TMCC1: variants seen among roughly 807,000 people sequenced by gnomAD.
TMCC1 encodes transmembrane and coiled-coil domain family 1, also known as transmembrane and coiled-coil domains protein 1.
TMCC1 carries 15 observed loss-of-function variants against 52.4 expected under a neutral mutation model. The observed-to-expected ratio is 0.29, with a 90% CI of 0.19 to 0.44. TMCC1 has a LOEUF of 0.44. TMCC1 is among the 20% of genes least tolerant of loss of function. The pLI is 1.00. For synonymous variants in TMCC1, 279 were observed against 301.9 expected, an observed-to-expected ratio of 0.92 and a Z score of 0.79; for missense variants, 503 against 806.0, an observed-to-expected ratio of 0.62 and a Z score of 4.55.
At chr3:129,824,002 C>G (rs2058546235) in intron 4 of TMCC1, among the ~76,000 whole-genome samples, 1 of 152,148 alleles carries the variant, frequency 6.6e-6, no homozygotes, top group Non-Finnish European at 1.5e-5. Context: ...TCATAAAAGG[C>G]TCTGAACAGA....
At chr3:129,870,296 C>T (rs1289680121) in intron 2 of TMCC1, among the ~76,000 whole-genome samples, 1 of 152,038 alleles carries the variant, frequency 6.6e-6, no homozygotes, top group Admixed American at 6.6e-5. Flanking sequence ...ACACTACTTT[C>T]TCTTCAGTAC....
At chr3:129,727,350 T>C (rs1230102293) in intron 4 of TMCC1, among the ~76,000 whole-genome samples, 1 of 152,176 alleles carries the variant, frequency 6.6e-6, no homozygotes, top group Non-Finnish European at 1.5e-5. Flanking sequence ...TCTATAGTGC[T>C]ATGTGAGGTT....
rs151279358 is a variant in TMCC1, at chr3:129,715,032, G to A, written c.577-43768C>T. ...CAGAGATAGGGTCCTAAGTATATCT[G>A]CCCAGTAGAGGACTCCCTGTATTTT... is the stretch of plus-strand genomic sequence containing the variant. On this transcript the variant is annotated intron_variant, in intron 4 of 6. Transcript: ENST00000393238. Among the ~76,000 whole-genome samples, 38 of 152,248 alleles carry A rather than the reference G, an allele frequency of 2.5e-4. No homozygotes were observed. The East Asian group carries it at 7.1e-3, about 29-fold the overall frequency.
intron 4 of TMCC1, among the ~76,000 whole-genome samples, chr3:129,706,622 AGC>A (rs2048265047): frequency 6.6e-6 from 1 of 152,216 alleles, no homozygotes; most frequent in Admixed American, 6.5e-5. Flanking sequence ...ACTTCCTACT[AGC>A]ATTCAAGTGG....
At chr3:129,866,548 T>C (rs1185127869) in intron 2 of TMCC1, among the ~76,000 whole-genome samples, 2 of 151,696 alleles carry the variant, frequency 1.3e-5, no homozygotes, top group Non-Finnish European at 2.9e-5. Context: ...CGGCTAATTT[T>C]TTATTTTTAG....
At chr3:129,735,880 C>T (rs1183193100) in intron 4 of TMCC1, among the ~76,000 whole-genome samples, 1 of 152,148 alleles carries the variant, frequency 6.6e-6, no homozygotes, top group Non-Finnish European at 1.5e-5. Context: ...TGCAGCCTGG[C>T]AGTGATTTCG....
chr3:129,742,980 G>C (rs1317274361), intron 4 of TMCC1, among the ~76,000 whole-genome samples: 1 of 152,140 alleles, frequency 6.6e-6, no homozygotes, highest in Non-Finnish European at 1.5e-5. Flanking sequence ...GTCCAGAATA[G>C]GCAAATCTAT....
chr3:129,763,714 T>C (rs2053846610), intron 4 of TMCC1, among the ~76,000 whole-genome samples: 2 of 151,714 alleles, frequency 1.3e-5, no homozygotes, highest in South Asian at 4.2e-4. Flanking sequence ...CCATTTTAGC[T>C]ATGGCTACCT....
intron 4 of TMCC1, chr3:129,794,385 C>G (rs1321031939): frequency 2.2e-6 from 1 of 456,182 alleles, no homozygotes; most frequent in Admixed American, 2.4e-5. Flanking sequence ...GATCTTCAGA[C>G]AAAGCAATCC....
rs546960582 is a variant in TMCC1 at position 129,814,656 on chromosome 3, C to A, written c.576+13147G>T. Among the ~76,000 whole-genome samples the A allele has an allele frequency of 3.3e-5, 5 of 152,164 alleles. No homozygotes were observed. The East Asian group carries it at 7.7e-4, about 23-fold the overall frequency. The stretch of plus-strand genomic sequence containing the variant: ...CCAACTATATGCTGCCTACAAGGAA[C>A]CCACTTCTCCTACAAAGATACACAT... On this transcript the variant is annotated intron_variant, in intron 4 of 6. Coordinates refer to ENST00000393238, the MANE Select transcript of TMCC1 (RefSeq NM_001017395.5).
chr3:129,710,619 C>G (rs2108995227), intron 4 of TMCC1, among the ~76,000 whole-genome samples: 1 of 152,218 alleles, frequency 6.6e-6, no homozygotes, highest in Admixed American at 6.5e-5. Flanking sequence ...CTCCCATGGC[C>G]AATCCTAAGT....
intron 4 of TMCC1, among the ~76,000 whole-genome samples, chr3:129,715,738 C>T (rs2049032561): frequency 6.6e-6 from 1 of 152,078 alleles, no homozygotes; most frequent in Non-Finnish European, 1.5e-5. Flanking sequence ...ATTGTGAGTG[C>T]TTAAGTCTGA....
rs1317341933 is a variant in TMCC1 at position 129,827,922 on chromosome 3, G to T, written c.457C>A (p.Arg153=). 1 of 1,614,120 alleles carries T rather than the reference G, an allele frequency of 6.2e-7. No homozygotes were observed. The highest frequency in any genetic ancestry group is 8.5e-7 in the Non-Finnish European group (1 of 1,180,028). ...QEMTAVMQSG[R]PRSSSTTDAP... ...TCAGTTGTGGATGAAGACCTGGGTC[G>T]GCCTGACTGCATAACAGCTGTCATC... is the stretch of plus-strand genomic sequence containing the variant. The change falls in exon 4 of 7, where the codon CGA becomes AGA. Residue 153 remains arginine, a synonymous_variant. Coordinates refer to ENST00000393238, the MANE Select transcript of TMCC1 (RefSeq NM_001017395.5).
intron 5 of TMCC1, among the ~76,000 whole-genome samples, chr3:129,662,723 C>T (rs2087137248): frequency 6.6e-6 from 1 of 152,180 alleles, no homozygotes; most frequent in Admixed American, 6.5e-5. Flanking sequence ...TTATTCAGCA[C>T]ATGACTATGT....
chr3:129,839,081 A>G (rs145959080), intron 2 of TMCC1, among the ~76,000 whole-genome samples: 2 of 152,322 alleles, frequency 1.3e-5, no homozygotes, highest in African/African-American at 4.8e-5. Context: ...TATTAACAGA[A>G]GTCCTTCAGG....
chr3:129,740,935 C>T (rs921604960), intron 4 of TMCC1, among the ~76,000 whole-genome samples: 2 of 152,126 alleles, frequency 1.3e-5, no homozygotes, highest in African/African-American at 4.8e-5. Context: ...TACCTTTAAC[C>T]TTATTAACAT....
chr3:129,734,387 T>A (rs1446865595), intron 4 of TMCC1, among the ~76,000 whole-genome samples: 1 of 152,222 alleles, frequency 6.6e-6, no homozygotes, highest in Non-Finnish European at 1.5e-5. Flanking sequence ...CAAAACTATA[T>A]GTTTTTTTAT....
chr3:129,763,197 C>CAA lies in TMCC1; in HGVS notation c.576+64604_576+64605dup, dbSNP rs1553860522. 2.5e-4 allele frequency among the ~76,000 whole-genome samples: 31 copies of CAA among 122,648 alleles called. 1 individual carries two copies. The highest frequency in any genetic ancestry group is 2.9e-4 in the Non-Finnish European group (17 of 59,178). The allele number at this position is 122,648 out of a possible 152,430, so 80.5% of individuals were successfully genotyped here. A position where few individuals can be genotyped will look rare whatever the true frequency, so the allele number is the denominator to read the frequency against. On this transcript the variant is annotated intron_variant, in intron 4 of 6. Coordinates refer to ENST00000393238, the MANE Select transcript of TMCC1 (RefSeq NM_001017395.5). ...TGGGTGACAGAGCAAGACTCTGTCT[C>CAA]AAAAAATAAAAAATAAATAAATAAA...
chr3:129,728,200 T>C (rs553440144), intron 4 of TMCC1, among the ~76,000 whole-genome samples: 13 of 152,332 alleles, frequency 8.5e-5, no homozygotes, highest in African/African-American at 2.9e-4. Context: ...AGTTTATTAA[T>C]ATAGGGAACT....
Sources: allele counts gnomAD v4.1 joint callset (sites outside exome capture counted in the v4.1 genomes callset), GRCh38; gene constraint gnomAD v4.1.1; transcripts MANE v1.5; gene names NCBI Gene and HGNC (gene_info 2026-07-23, HGNC 2026-07-21).